Variants in KPNA1 observed in about 807,000 individuals in gnomAD.
KPNA1 encodes the protein importin subunit alpha-5.
In KPNA1, 10 loss-of-function variants were observed where a neutral mutation model predicts 70.5. The ratio of observed to expected loss-of-function variants is 0.14; its 90% CI spans 0.09 to 0.24. The LOEUF (loss-of-function observed/expected upper bound fraction) is 0.24. Among genes scored for constraint, KPNA1 ranks in the 10% least tolerant of loss-of-function variants. KPNA1 has a pLI of 1.00. For missense variants in KPNA1, 397 were observed against 637.9 expected (o/e 0.62, Z 4.07); for synonymous variants, 192 against 221.9 (o/e 0.87, Z 1.20).
intron 9 of KPNA1, among the ~76,000 whole-genome samples, chr3:122,447,830 G>A (rs543028825): frequency 8.7e-4 from 132 of 152,160 alleles, no homozygotes; most frequent in Non-Finnish European, 1.2e-3. Context: ...CAAAGTCTCA[G>A]GATACAAAAT....
At chr3:122,486,664 T>C (rs2076632823) in intron 2 of KPNA1, among the ~76,000 whole-genome samples, 1 of 152,026 alleles carries the variant, frequency 6.6e-6, no homozygotes, top group Non-Finnish European at 1.5e-5. Flanking sequence ...CTCAGCTCAC[T>C]GCAAGCTCCA....
intron 2 of KPNA1, among the ~76,000 whole-genome samples, chr3:122,477,922 G>T (rs2076521439): frequency 6.6e-6 from 1 of 151,764 alleles, no homozygotes; most frequent in Non-Finnish European, 1.5e-5. Context: ...CCAGCACTTT[G>T]GGTGGTCAAG....
intron 9 of KPNA1, among the ~76,000 whole-genome samples, chr3:122,449,177 T>C (rs1003810873): frequency 8.5e-5 from 13 of 152,186 alleles, no homozygotes; most frequent in African/African-American, 3.1e-4. Context: ...ATCACGGAGA[T>C]GATAAAGCAA....
intron 2 of KPNA1, among the ~76,000 whole-genome samples, chr3:122,474,760 C>T (rs2076479333): frequency 6.6e-6 from 1 of 152,054 alleles, no homozygotes; most frequent in Admixed American, 6.5e-5. Flanking sequence ...GGACAAAAAC[C>T]TATGATCATC....
intron 1 of KPNA1, among the ~76,000 whole-genome samples, chr3:122,500,923 T>C (rs1307450435): frequency 6.6e-6 from 1 of 151,750 alleles, no homozygotes; most frequent in Non-Finnish European, 1.5e-5. Context: ...TACTCTTTAT[T>C]TGCTTCCTTC....
chr3:122,505,507 T>C (rs1015523252), intron 1 of KPNA1, among the ~76,000 whole-genome samples: 5 of 152,110 alleles, frequency 3.3e-5, no homozygotes, highest in African/African-American at 4.8e-5. Context: ...CCTAAGCAAA[T>C]ATTTTTAGGT....
intron 2 of KPNA1, among the ~76,000 whole-genome samples, chr3:122,492,064 G>T (rs954671667): frequency 3.3e-5 from 5 of 151,652 alleles, no homozygotes; most frequent in Middle Eastern, 3.4e-3. Flanking sequence ...GTTTCACCGT[G>T]TTAGCCAGGA....
At chr3:122,479,840 A>C (rs1377074407) in intron 2 of KPNA1, among the ~76,000 whole-genome samples, 1 of 152,170 alleles carries the variant, frequency 6.6e-6, no homozygotes. Flanking sequence ...CTGAAAGCTT[A>C]TATCTATACA....
intron 2 of KPNA1, among the ~76,000 whole-genome samples, chr3:122,490,071 A>C (rs898010655): frequency 1.4e-4 from 21 of 152,260 alleles, no homozygotes; most frequent in African/African-American, 4.8e-4. Flanking sequence ...AATCCTTTAA[A>C]ATGATATTTT....
chr3:122,447,397 C>A (rs1560025121), intron 9 of KPNA1, among the ~76,000 whole-genome samples: 1 of 152,170 alleles, frequency 6.6e-6, no homozygotes, highest in East Asian at 1.9e-4. Context: ...TAATCCATCA[C>A]ATAAACAGAA....
At chr3:122,459,400 A>G in intron 5 of KPNA1, 1 of 984,918 alleles carries the variant, frequency 1.0e-6, no homozygotes, top group Non-Finnish European at 1.2e-6. Flanking sequence ...GACAGGAAAG[A>G]AACACTTTTT....
intron 9 of KPNA1, among the ~76,000 whole-genome samples, chr3:122,447,713 G>A (rs1039211591): frequency 6.6e-6 from 1 of 152,130 alleles, no homozygotes; most frequent in Non-Finnish European, 1.5e-5. Context: ...TATTCAATTA[G>A]GAAAAGAGGA....
At chr3:122,469,576 T>C (rs1052160567) in intron 2 of KPNA1, among the ~76,000 whole-genome samples, 4 of 152,060 alleles carry the variant, frequency 2.6e-5, no homozygotes, top group Non-Finnish European at 5.9e-5. Context: ...GGTACAAAAA[T>C]AAAAACTCTC....
At chr3:122,438,636 T>A (rs2076021823) in intron 10 of KPNA1, among the ~76,000 whole-genome samples, 2 of 152,128 alleles carry the variant, frequency 1.3e-5, no homozygotes, top group South Asian at 4.1e-4. Flanking sequence ...TCCACCTACC[T>A]CAGCCTCCCA....
chr3:122,451,934 T>C, intron 7 of KPNA1, 42 bp downstream of exon 7: 2 of 1,231,270 alleles, frequency 1.6e-6, no homozygotes, highest in Non-Finnish European at 1.2e-6. Flanking sequence ...ACATTTTTAT[T>C]CTCAAAAAGA....
At chr3:122,486,656 C>G (rs1158066486) in intron 2 of KPNA1, among the ~76,000 whole-genome samples, 1 of 151,732 alleles carries the variant, frequency 6.6e-6, no homozygotes, top group Non-Finnish European at 1.5e-5. Flanking sequence ...GGCGCGATCT[C>G]AGCTCACTGC....
At chr3:122,513,435 ATC>A (rs1305979948) in intron 1 of KPNA1, among the ~76,000 whole-genome samples, 1 of 152,238 alleles carries the variant, frequency 6.6e-6, no homozygotes, top group Non-Finnish European at 1.5e-5. Context: ...TTAAATTTTC[ATC>A]TCTTTGATCT....
At chr3:122,448,279 A>G (rs2076162659) in intron 9 of KPNA1, among the ~76,000 whole-genome samples, 1 of 152,206 alleles carries the variant, frequency 6.6e-6, no homozygotes, top group African/African-American at 2.4e-5. Flanking sequence ...AAATCATGCT[A>G]CTACAAAGAC....
chr3:122,505,278 A>G (rs1160215619), intron 1 of KPNA1, among the ~76,000 whole-genome samples: 1 of 151,416 alleles, frequency 6.6e-6, no homozygotes, highest in Non-Finnish European at 1.5e-5. Flanking sequence ...ATGCCTCAAA[A>G]AAAAAAAAAA....
Sources: allele counts gnomAD v4.1 joint callset (sites outside exome capture counted in the v4.1 genomes callset), GRCh38; gene constraint gnomAD v4.1.1; transcripts MANE v1.5; gene names NCBI Gene and HGNC (gene_info 2026-07-23, HGNC 2026-07-21).